The following TPST1 variants were observed in gnomAD, a reference collection of about 807,000 sequenced individuals.
TPST1 encodes the protein tyrosylprotein sulfotransferase 1.
TPST1 carries 20 observed loss-of-function variants against 34.8 expected under a neutral mutation model. The observed-to-expected ratio is 0.57, with a 90% CI of 0.40 to 0.84. TPST1 has a LOEUF of 0.84. Ranked by LOEUF, TPST1 falls within the 40% of genes least tolerant of loss-of-function variation. The pLI is 0.00. For synonymous variants in TPST1, 152 were observed against 159.4 expected (o/e 0.95, Z 0.35); for missense variants, 353 against 455.5 (o/e 0.78, Z 2.05).
At chr7:66,329,107 T>G (rs1191979578) in intron 3 of TPST1, among the ~76,000 whole-genome samples, 1 of 151,106 alleles carries the variant, frequency 6.6e-6, no homozygotes, top group Non-Finnish European at 1.5e-5. Context: ...GAGACGAGGC[T>G]TCTCCATGTT....
chr7:66,334,600 C>T (rs1792057604), intron 3 of TPST1, among the ~76,000 whole-genome samples: 1 of 148,268 alleles, frequency 6.7e-6, no homozygotes, highest in African/African-American at 2.5e-5. Context: ...CATGCCACTG[C>T]ACTCCAGCCT....
chr7:66,360,029 G>A lies in TPST1; in HGVS notation c.*164G>A, dbSNP rs1792660164. 2.2e-6 allele frequency: 1 copy of A among 453,480 alleles called. No individual in the cohort carries two copies. The highest frequency in any genetic ancestry group is 2.4e-5 in the Admixed American group (1 of 42,458). 28.1% of individuals were successfully genotyped at this position (453,480 alleles called of 1,614,324 possible). A position where few individuals can be genotyped will look rare whatever the true frequency, so the allele number is the denominator to read the frequency against. On this transcript the variant is annotated 3_prime_UTR_variant, in exon 6 of 6. Transcript: ENST00000304842. ...TTCCTCCCACTGAGAGGATGGAGGT[G>A]TCCGCACAGCTTTGGGCCTCGTGAG...
intron 3 of TPST1, among the ~76,000 whole-genome samples, chr7:66,321,195 A>G (rs756107451): frequency 3.9e-5 from 6 of 152,252 alleles, no homozygotes; most frequent in Non-Finnish European, 7.3e-5. Context: ...TCACTTTCCA[A>G]TGTGCCCTCT....
chr7:66,349,216 C>G (rs577562576), intron 3 of TPST1, among the ~76,000 whole-genome samples: 2 of 152,268 alleles, frequency 1.3e-5, no homozygotes, highest in South Asian at 4.1e-4. Flanking sequence ...TGCATAAATT[C>G]TAGCAGAAGA....
At chr7:66,273,578 A>G (rs1223146668) in intron 2 of TPST1, among the ~76,000 whole-genome samples, 1 of 152,176 alleles carries the variant, frequency 6.6e-6, no homozygotes, top group Non-Finnish European at 1.5e-5. Flanking sequence ...AAAAACAGAC[A>G]TATAAACGAA....
At chr7:66,221,415 A>G (rs1756730402) in intron 1 of TPST1, among the ~76,000 whole-genome samples, 1 of 152,184 alleles carries the variant, frequency 6.6e-6, no homozygotes, top group South Asian at 2.1e-4. Flanking sequence ...TGAGAATCAG[A>G]GAGAAAGTGG....
At chr7:66,305,625 C>G (rs1791406700) in intron 3 of TPST1, among the ~76,000 whole-genome samples, 2 of 152,146 alleles carry the variant, frequency 1.3e-5, no homozygotes, top group South Asian at 4.1e-4. Flanking sequence ...GCATGAGGAG[C>G]AAGAAGTGCT....
chr7:66,274,858 A>G (rs796241046), intron 2 of TPST1, among the ~76,000 whole-genome samples: 8 of 152,320 alleles, frequency 5.3e-5, no homozygotes, highest in African/African-American at 1.9e-4. Context: ...GAGAAATGCA[A>G]ATTAAAACTA....
intron 1 of TPST1, chr7:66,221,469 T>C (rs1288068499): frequency 6.6e-6 from 1 of 152,216 alleles, no homozygotes; most frequent in Non-Finnish European, 1.5e-5. Flanking sequence ...AGAGATTTAC[T>C]AGGGAAGGTA....
At chr7:66,256,118 AT>A (rs1316956084) in intron 2 of TPST1, among the ~76,000 whole-genome samples, 1 of 152,092 alleles carries the variant, frequency 6.6e-6, no homozygotes, top group East Asian at 1.9e-4. Flanking sequence ...TGATTTATTT[AT>A]TTTTTCCCAG....
rs746661501 is a variant in TPST1 at position 66,206,349 on chromosome 7, G to T, written c.-102+827G>T. Among the ~76,000 whole-genome samples, 25 of 152,054 alleles carry T rather than the reference G, an allele frequency of 1.6e-4. 1 individual carries two copies. Among genetic ancestry groups the T allele is most frequent in the Admixed American group, 1.6e-3 (25 of 15,250 alleles). ...TTGCCCAGAGTCTAGCACACAGTAG[G>T]CCTGGCACATGGTGGGTGGTCACGC... On this transcript the variant is annotated intron_variant, in intron 1 of 5. Transcript: ENST00000304842.
chr7:66,322,139 A>G (rs561787568), intron 3 of TPST1, among the ~76,000 whole-genome samples: 1 of 152,192 alleles, frequency 6.6e-6, no homozygotes, highest in East Asian at 1.9e-4. Flanking sequence ...TTTCCAATTC[A>G]AGTCCTTGGA....
intron 3 of TPST1, among the ~76,000 whole-genome samples, chr7:66,328,906 A>ATATATATTTTTT: frequency 1.5e-4 from 2 of 13,158 alleles, no homozygotes; most frequent in African/African-American, 5.6e-4. Flanking sequence ...ATATATATAT[A>ATATATATTTTTT]TTTTTTTTTT....
chr7:66,317,339 T>C (rs1791654751), intron 3 of TPST1, among the ~76,000 whole-genome samples: 1 of 152,240 alleles, frequency 6.6e-6, no homozygotes, highest in South Asian at 2.1e-4. Context: ...ATACTTTCTT[T>C]GGCTGTATTC....
intron 3 of TPST1, among the ~76,000 whole-genome samples, chr7:66,305,338 C>T (rs933244261): frequency 1.3e-5 from 2 of 152,128 alleles, no homozygotes; most frequent in Non-Finnish European, 2.9e-5. Context: ...TCAGTAGTCA[C>T]CTCAGATGGT....
chr7:66,222,434 G>A (rs7791750), intron 1 of TPST1, among the ~76,000 whole-genome samples: 3,390 of 152,052 alleles, frequency 0.022, 134 homozygotes, highest in African/African-American at 0.078. Context: ...TGGTGTTCAT[G>A]TATCTGCTGC....
At chr7:66,241,358 G>A in intron 2 of TPST1, 88 bp downstream of exon 2, 11 of 1,464,548 alleles carry the variant, frequency 7.5e-6, no homozygotes, top group Non-Finnish European at 1.0e-5. Flanking sequence ...ATGTATATAT[G>A]TGTGTATGTT....
chr7:66,303,653 G>GCT (rs1224744180), intron 3 of TPST1, among the ~76,000 whole-genome samples: 1 of 152,060 alleles, frequency 6.6e-6, no homozygotes, highest in Non-Finnish European at 1.5e-5. Flanking sequence ...CAGGCGATCT[G>GCT]CTCACCTTGG....
intron 2 of TPST1, among the ~76,000 whole-genome samples, chr7:66,268,794 T>C (rs1365464492): frequency 6.6e-6 from 1 of 152,090 alleles, no homozygotes; most frequent in Non-Finnish European, 1.5e-5. Context: ...GTTCAATTGA[T>C]TCTCCTGCCT....
Sources: gnomAD v4.1 joint callset for allele counts (sites outside exome capture counted in the v4.1 genomes callset) on GRCh38, gnomAD v4.1.1 for gene constraint, MANE v1.5 for transcripts, NCBI Gene and HGNC (gene_info 2026-07-23, HGNC 2026-07-21) for gene names.